Variants in MAP4K4 observed in about 807,000 individuals in gnomAD.
MAP4K4 encodes the protein mitogen-activated protein kinase kinase kinase kinase 4, also known as HPK/GCK-like kinase HGK.
Under a neutral mutation model 189.6 loss-of-function variants are expected in MAP4K4, and 38 were observed. The observed-to-expected ratio is 0.20, with a 90% CI of 0.15 to 0.26. MAP4K4 has a LOEUF of 0.26. Among genes scored for constraint, MAP4K4 ranks in the 10% least tolerant of loss-of-function variants. The pLI is 1.00. For synonymous variants in MAP4K4, 610 were observed against 624.3 expected, an observed-to-expected ratio of 0.98 and a Z score of 0.34; for missense variants, 1,054 against 1,726.9, an observed-to-expected ratio of 0.61 and a Z score of 6.91.
intron 2 of MAP4K4, among the ~76,000 whole-genome samples, chr2:101,759,257 G>C (rs998442998): frequency 6.6e-6 from 1 of 151,764 alleles, no homozygotes; most frequent in Non-Finnish European, 1.5e-5. Flanking sequence ...TGCTTCCTTT[G>C]CTTTCCTTGG....
chr2:101,828,474 GA>G (rs932358380), intron 5 of MAP4K4, among the ~76,000 whole-genome samples: 8 of 152,134 alleles, frequency 5.3e-5, no homozygotes, highest in Non-Finnish European at 1.0e-4. Context: ...CCTGTGTTGT[GA>G]AAAATAAACA....
At chr2:101,752,364 C>G (rs1411180208) in intron 2 of MAP4K4, among the ~76,000 whole-genome samples, 1 of 152,128 alleles carries the variant, frequency 6.6e-6, no homozygotes, top group Non-Finnish European at 1.5e-5. Flanking sequence ...TTACGGAGTG[C>G]TTAGTTTCTC....
At chr2:101,698,578 A>G (rs2036003525) in intron 2 of MAP4K4, 40 bp downstream of exon 2, 1 of 1,589,686 alleles carries the variant, frequency 6.3e-7, no homozygotes, top group Non-Finnish European at 8.6e-7. Context: ...TGGCATGTGG[A>G]AACTTCTTAT....
At chr2:101,836,671 A>G (rs1196465966) in intron 9 of MAP4K4, among the ~76,000 whole-genome samples, 2 of 152,190 alleles carry the variant, frequency 1.3e-5, no homozygotes, top group Non-Finnish European at 2.9e-5. Flanking sequence ...GGAGGCTTTT[A>G]CTGTAATTAT....
intron 26 of MAP4K4, among the ~76,000 whole-genome samples, chr2:101,874,823 C>A (rs975736171): frequency 2.0e-5 from 3 of 152,042 alleles, no homozygotes; most frequent in Non-Finnish European, 4.4e-5. Context: ...GGAAATATAT[C>A]ATGGAGAAGT....
chr2:101,730,817 G>GCAGGCGGAT (rs1303122002), intron 2 of MAP4K4, among the ~76,000 whole-genome samples: 6 of 152,058 alleles, frequency 3.9e-5, no homozygotes, highest in Non-Finnish European at 5.9e-5. Context: ...GGAGGCCGAG[G>GCAGGCGGAT]CAGGCGGATC....
intron 2 of MAP4K4, among the ~76,000 whole-genome samples, chr2:101,728,954 T>C (rs1476437071): frequency 6.6e-6 from 1 of 152,156 alleles, no homozygotes; most frequent in Non-Finnish European, 1.5e-5. Flanking sequence ...TCTGTTGACA[T>C]GAAGAAAAAT....
chr2:101,779,590 C>T (rs2086199914), intron 2 of MAP4K4, among the ~76,000 whole-genome samples: 1 of 152,158 alleles, frequency 6.6e-6, no homozygotes, highest in Non-Finnish European at 1.5e-5. Context: ...AGAGAATTTT[C>T]TGTTTCACAT....
intron 2 of MAP4K4, among the ~76,000 whole-genome samples, chr2:101,750,193 A>G (rs1410638936): frequency 6.7e-6 from 1 of 149,016 alleles, no homozygotes; most frequent in Non-Finnish European, 1.5e-5. Flanking sequence ...TCATGCTGCT[A>G]TAAAGACACA....
chr2:101,864,081 C>G, intron 17 of MAP4K4, 30 bp downstream of exon 17: 1 of 1,195,628 alleles, frequency 8.4e-7, no homozygotes, highest in Non-Finnish European at 1.1e-6. Flanking sequence ...ATGTGTGCTG[C>G]TTTTTTCCTT....
rs560911791 is a variant in MAP4K4 at position 101,718,716 on chromosome 2, C to T, written c.123+20178C>T. ...TGAAGCTTTCCTTTTTCTCTACTTT[C>T]CTGTGTCTTCCTCAGAGCCTCTCAT... On this transcript the variant is annotated intron_variant, in intron 2 of 32. Coordinates refer to ENST00000324219, the Ensembl canonical transcript of MAP4K4. Among the ~76,000 whole-genome samples the T allele has an allele frequency of 1.3e-3, 196 of 152,158 alleles. 1 individual carries two copies. Among genetic ancestry groups the T allele is most frequent in the African/African-American group, 4.4e-3 (184 of 41,520 alleles).
intron 18 of MAP4K4, among the ~76,000 whole-genome samples, chr2:101,865,831 A>C (rs979967499): frequency 2.6e-5 from 4 of 152,218 alleles, no homozygotes; most frequent in Non-Finnish European, 5.9e-5. Flanking sequence ...CAAAAGCTGC[A>C]CAGAATCCTC....
At chr2:101,816,697 G>T (rs756239149) in intron 3 of MAP4K4, among the ~76,000 whole-genome samples, 1 of 152,210 alleles carries the variant, frequency 6.6e-6, no homozygotes, top group African/African-American at 2.4e-5. Flanking sequence ...AAGAAGTTGA[G>T]GGTCTGGATT....
At chr2:101,758,377 C>G (rs1182660120) in intron 2 of MAP4K4, among the ~76,000 whole-genome samples, 1 of 152,142 alleles carries the variant, frequency 6.6e-6, no homozygotes, top group African/African-American at 2.4e-5. Flanking sequence ...TAGTATAGTT[C>G]ACCTTTGAAC....
chr2:101,784,300 G>A (rs2089510480), intron 2 of MAP4K4, among the ~76,000 whole-genome samples: 1 of 151,162 alleles, frequency 6.6e-6, no homozygotes, highest in Admixed American at 6.6e-5. Context: ...GTGTGTGTGT[G>A]TGTGTGTGTT....
intron 2 of MAP4K4, among the ~76,000 whole-genome samples, chr2:101,731,457 T>G (rs1490136512): frequency 6.6e-6 from 1 of 151,978 alleles, no homozygotes; most frequent in Non-Finnish European, 1.5e-5. Context: ...GAGCAGAGAA[T>G]GATCTTAAAA....
chr2:101,892,932 A>T (rs2098590939), exon 33 of MAP4K4: 1 of 456,304 alleles, frequency 2.2e-6, no homozygotes, highest in South Asian at 1.5e-5. Context: ...GAGTGGAAAT[A>T]ACTGCATTAT....
chr2:101,824,132 G>GGAGGGGGGGGGGGGGA, intron 4 of MAP4K4, 79 bp downstream of exon 4: 1 of 56,768 alleles, frequency 1.8e-5, no homozygotes, highest in Non-Finnish European at 3.8e-5. Flanking sequence ...GGGGGCGGGG[G>GGAGGGGGGGGGGGGGA]AAAGAGGGGG....
At chr2:101,735,115 A>G (rs2059856479) in intron 2 of MAP4K4, among the ~76,000 whole-genome samples, 1 of 152,210 alleles carries the variant, frequency 6.6e-6, no homozygotes, top group African/African-American at 2.4e-5. Flanking sequence ...AAGAGGCTTA[A>G]TATGCAAATG....
Sources: gnomAD v4.1 joint callset for allele counts (sites outside exome capture counted in the v4.1 genomes callset) on GRCh38, gnomAD v4.1.1 for gene constraint, MANE v1.5 for transcripts, NCBI Gene and HGNC (gene_info 2026-07-23, HGNC 2026-07-21) for gene names.